Variants in DMBT1 observed in about 807,000 individuals in gnomAD.
DMBT1 encodes the protein deleted in malignant brain tumors 1, also known as scavenger receptor cysteine-rich domain-containing protein DMBT1.
A neutral mutation model predicts 252.9 loss-of-function variants in DMBT1; 198 were observed. That is an observed-to-expected ratio of 0.78 (90% CI 0.70 to 0.88). The LOEUF (loss-of-function observed/expected upper bound fraction) is 0.88, where lower values mean the gene tolerates loss of function less well. Among genes scored for constraint, DMBT1 ranks in the 40% least tolerant of loss-of-function variants. The pLI, the probability that DMBT1 is intolerant of heterozygous loss-of-function variation, is 0.00. For missense variants in DMBT1, 2,432 were observed against 2,404.7 expected, an observed-to-expected ratio of 1.01 and a Z score of -0.24; for synonymous variants, 990 against 942.7, an observed-to-expected ratio of 1.05 and a Z score of -0.92.
chr10:122,599,094 T>C lies in DMBT1; in HGVS notation c.3277T>C (p.Ser1093Pro). Residue 1093 changes from serine (S) to proline (P), a missense_variant, in exon 26 of 56, where the codon TCA becomes CCA. Physicochemically the swap from Ser to Pro is moderately conservative, Grantham distance 74. This residue lies in a region of DMBT1 where 1,264 missense variants were observed against 1,082.2 expected (regional missense o/e 1.17). Coordinates refer to ENST00000338354, the MANE Select transcript of DMBT1 (RefSeq NM_001377530.1). ...GHSEDAGVIC[S>P]ASQSRPTPSP... is the part of the protein sequence containing the mutation. ...TAGTGAAGACGCTGGTGTCATCTGC[T>C]CAGGTGGGCCTTCAAGAACTTGGGA... The C allele has an allele frequency of 1.2e-6, 2 of 1,613,834 alleles. No individual in the cohort carries two copies. The highest frequency in any genetic ancestry group is 1.7e-6 in the Non-Finnish European group (2 of 1,179,770).
chr10:122,578,398 A>G (rs1444940007), intron 8 of DMBT1, among the ~76,000 whole-genome samples: 11 of 152,170 alleles, frequency 7.2e-5, no homozygotes, highest in Admixed American at 3.3e-4. Flanking sequence ...TTTAGCTGCA[A>G]GTGTCAAGTC....
chr10:122,599,332 G>A (rs2097916693), intron 26 of DMBT1, among the ~76,000 whole-genome samples: 1 of 152,194 alleles, frequency 6.6e-6, no homozygotes, highest in African/African-American at 2.4e-5. Context: ...CCTGAGGGAA[G>A]GCAAGGAAGA....
chr10:122,640,855 G>C (rs549739618), intron 55 of DMBT1, among the ~76,000 whole-genome samples: 1 of 152,204 alleles, frequency 6.6e-6, no homozygotes, highest in African/African-American at 2.4e-5. Context: ...AGCAGACCAA[G>C]GTTGAAATGC....
chr10:122,619,607 C>T (rs1421116300), intron 42 of DMBT1, among the ~76,000 whole-genome samples: 3 of 152,210 alleles, frequency 2.0e-5, no homozygotes, highest in Non-Finnish European at 4.4e-5. Context: ...GAAGTGGCCT[C>T]ATGTTTAATG....
At chr10:122,577,873 C>T in intron 8 of DMBT1, 33 bp downstream of exon 8, 1 of 1,611,706 alleles carries the variant, frequency 6.2e-7, no homozygotes. Context: ...CGGGATACCC[C>T]TTCTCTTTCT....
At chr10:122,573,932 A>G (rs1363172060) in intron 6 of DMBT1, among the ~76,000 whole-genome samples, 170 bp downstream of exon 6, 1 of 152,196 alleles carries the variant, frequency 6.6e-6, no homozygotes, top group Non-Finnish European at 1.5e-5. Flanking sequence ...TGCATCGATC[A>G]TGTCTGAGAC....
In DMBT1 at chr10:122,629,991, G is replaced by T. The variant is rs371485962; in HGVS notation, c.5820G>T (p.Leu1940=). ...GCATAAACCTGGGCTTCAGTAATCT[G>T]AAGTAAGTAATGCCTGGTCATCTGG... The part of the protein sequence containing the change: ...GYRINLGFSN[L]KLEAHHNCSF... Residue 1940 remains leucine, a splice_region_variant and synonymous_variant, in exon 47 of 56, where the codon CTG becomes CTT. Transcript: ENST00000338354. 32 of 1,613,862 alleles carry T rather than the reference G, an allele frequency of 2.0e-5. No individual in the cohort carries two copies. The African/African-American group carries it at 3.6e-4, about 18-fold the overall frequency.
chr10:122,562,991 G>T (rs1335358763), intron 1 of DMBT1, among the ~76,000 whole-genome samples: 1 of 152,218 alleles, frequency 6.6e-6, no homozygotes, highest in African/African-American at 2.4e-5. Flanking sequence ...CTGGCCCACT[G>T]GCCCTTGCTG....
At chr10:122,580,705 G>C (rs564374459) in intron 10 of DMBT1, among the ~76,000 whole-genome samples, 161 bp from the exon 11 acceptor site, 2 of 152,042 alleles carry the variant, frequency 1.3e-5, no homozygotes, top group Non-Finnish European at 2.9e-5. Flanking sequence ...CCCCTTACAC[G>C]GTGCATCTCT....
At position 122,621,074 on chromosome 10, in the gene DMBT1, G is replaced by A; in HGVS notation, c.5302G>A (p.Ala1768Thr). The A allele has an allele frequency of 6.2e-7, 1 of 1,613,292 alleles. No individual in the cohort carries two copies. The highest frequency in any genetic ancestry group is 8.5e-7 in the Non-Finnish European group (1 of 1,179,728). ...ALTVGSESSL[A>T]LRLVNGGDRC... is the part of the protein sequence containing the mutation. ...CCCTGTAGGATCTGAATCCAGTTTG[G>A]CTCTGAGGCTGGTGAATGGAGGTGA... The change falls in exon 44 of 56, where the codon GCT becomes ACT. Residue 1768 changes from alanine (A) to threonine (T), a missense_variant. Physicochemically the swap from Ala to Thr is moderately conservative, Grantham distance 58. Coordinates refer to ENST00000338354, the MANE Select transcript of DMBT1 (RefSeq NM_001377530.1).
intron 41 of DMBT1, 51 bp from the exon 42 acceptor site, chr10:122,619,257 C>T (rs1342856528): frequency 6.2e-7 from 1 of 1,612,778 alleles, no homozygotes; most frequent in African/African-American, 1.3e-5. Context: ...TCCAGTTTTG[C>T]CATTTTCTGT....
chr10:122,592,604 C>T lies in DMBT1; in HGVS notation c.2500+9C>T. ...TGGTGTCATCTGCTCAGGTGGGCCT[C>T]CAAGACCTTGGGCTCCCTCTCCTAG... is the stretch of plus-strand genomic sequence containing the variant. On this transcript the variant is annotated intron_variant, in intron 20 of 55. Transcript: ENST00000338354. 6.3e-7 allele frequency: 1 copy of T among 1,588,402 alleles called. No individual in the cohort carries two copies. Among genetic ancestry groups the T allele is most frequent in the Non-Finnish European group, 8.6e-7 (1 of 1,165,632 alleles).
intron 52 of DMBT1, among the ~76,000 whole-genome samples, chr10:122,634,393 TTTC>T (rs1472949221): frequency 1.4e-5 from 2 of 138,808 alleles, no homozygotes; most frequent in African/African-American, 5.6e-5. Context: ...TCTTTCTTTC[TTTC>T]TTTCTTTTCT....
At chr10:122,566,066 T>A in intron 2 of DMBT1, 70 bp downstream of exon 2, 1 of 1,520,366 alleles carries the variant, frequency 6.6e-7, no homozygotes, top group Non-Finnish European at 9.1e-7. Context: ...GTTGGCTAGT[T>A]GAGGCTGAGC....
chr10:122,620,144 A>C, intron 42 of DMBT1, 109 bp from the exon 43 acceptor site: 1 of 1,186,642 alleles, frequency 8.4e-7, no homozygotes, highest in Non-Finnish European at 1.2e-6. Flanking sequence ...AAGTGGCAGG[A>C]ACCAGAAATT....
chr10:122,631,839 T>G lies in DMBT1; in HGVS notation c.6347-16T>G. On this transcript the variant is annotated splice_polypyrimidine_tract_variant and intron_variant, in intron 49 of 55. Transcript: ENST00000338354. ...ACATGTCTGTGACCTATGCTTTTTT[T>G]CTATTCCTTTTTCAGGAAACCATCT... 6.2e-7 allele frequency: 1 copy of G among 1,613,860 alleles called. No homozygotes were observed.
chr10:122,643,633 CG>C lies in DMBT1; in HGVS notation c.*236del. 1.7e-6 allele frequency: 1 copy of C among 573,570 alleles called. No individual in the cohort carries two copies. The highest frequency in any genetic ancestry group is 3.1e-6 in the Non-Finnish European group (1 of 326,734). The allele number at this position is 573,570 out of a possible 1,614,324, so 35.5% of individuals were successfully genotyped here. On this transcript the variant is annotated 3_prime_UTR_variant, in exon 56 of 56. Transcript: ENST00000338354. ...TGACCTGGATGGCCCATAGACCTGA[CG>C]TCCCAGAATCCATGCTTCTCATCTG...
rs960799463 is a variant in DMBT1, at chr10:122,640,316, C to T, written c.7219C>T (p.Leu2407=). Residue 2407 remains leucine (L), a synonymous_variant, in exon 55 of 56, where the codon CTG becomes TTG. Coordinates refer to ENST00000338354, the MANE Select transcript of DMBT1 (RefSeq NM_001377530.1). ...GACCAGCCGCCCTTACTACGTGGACCTGAACCAGGACTTGTACGTTCAGGC... is the reference window on the plus strand; with the variant it reads ...GACCAGCCGCCCTTACTACGTGGACTTGAACCAGGACTTGTACGTTCAGGC... ...PVTSRPYYVD[L]NQDLYVQAEI... 2 of 1,613,926 alleles carry T rather than the reference C, an allele frequency of 1.2e-6. No individual in the cohort carries two copies. Among genetic ancestry groups the T allele is most frequent in the African/African-American group, 2.7e-5 (2 of 74,928 alleles).
In DMBT1 at chr10:122,643,043, G is replaced by A. The variant is rs1844851535; in HGVS notation, c.7353-79G>A. The A allele has an allele frequency of 3.9e-6, 6 of 1,558,020 alleles. No individual in the cohort carries two copies. In the Middle Eastern group the frequency reaches 6.9e-4, roughly 179 times the overall value. On this transcript the variant is annotated intron_variant, in intron 55 of 55. Coordinates refer to ENST00000338354, the MANE Select transcript of DMBT1 (RefSeq NM_001377530.1). ...AGGGGCAGTGAGGACAGGCTGTGGA[G>A]TTCCTCACCTGGTACAACTGAGTCA... is the stretch of plus-strand genomic sequence containing the variant.
Sources: gnomAD v4.1 joint callset for allele counts (sites outside exome capture counted in the v4.1 genomes callset) on GRCh38, gnomAD v4.1.1 for gene constraint, gnomAD v4.1.1 regional missense constraint, MANE v1.5 for transcripts, NCBI Gene and HGNC (gene_info 2026-07-23, HGNC 2026-07-21) for gene names.